CACNB2: variants seen among roughly 807,000 people sequenced by gnomAD.
The protein encoded by CACNB2 is calcium voltage-gated channel auxiliary subunit beta 2.
CACNB2 carries 42 observed loss-of-function variants against 73.3 expected under a neutral mutation model. The observed-to-expected ratio is 0.57, with a 90% CI of 0.45 to 0.74. CACNB2 has a LOEUF of 0.74. CACNB2 is among the 30% of genes least tolerant of loss of function. The pLI, the probability that CACNB2 is intolerant of heterozygous loss-of-function variation, is 0.00. For synonymous variants in CACNB2, 348 were observed against 310.3 expected (o/e 1.12, Z -1.28); for missense variants, 940 against 853.0 (o/e 1.10, Z -1.27).
chr10:18,497,202 A>C (rs1008533295), intron 3 of CACNB2, among the ~76,000 whole-genome samples: 4 of 130,704 alleles, frequency 3.1e-5, no homozygotes, highest in African/African-American at 1.2e-4. Flanking sequence ...ACAAAGTAAG[A>C]CTCTGTAAAA....
chr10:18,492,635 A>AG lies in CACNB2; in HGVS notation c.334-5720_334-5719insG, dbSNP rs1372418097. 3.4e-4 allele frequency among the ~76,000 whole-genome samples: 44 copies of AG among 129,790 alleles called. No homozygotes were observed. In the East Asian group the frequency reaches 4.4e-3, roughly 13 times the overall value. The allele number at this position is 129,790 out of a possible 152,430, so 85.1% of individuals were successfully genotyped here. ...GACTCTGTCTCAAAAAAAAAAAAAA[A>AG]AAAGAAAAAAAGAAAAGAAAAGAAA... On this transcript the variant is annotated intron_variant, in intron 3 of 13. Transcript: ENST00000324631.
rs5783603 is a variant in CACNB2, at chr10:18,460,887, C to CA, written c.334-37451dup. Reference sequence around the variant, plus strand: ...CCTGGGTGAAAAAGCAAGATCTTTCCAAAAAAAAAAAAAAAAATCCACTTT... The same window carrying CA: ...CCTGGGTGAAAAAGCAAGATCTTTCCAAAAAAAAAAAAAAAAAATCCACTTT... On this transcript the variant is annotated intron_variant, in intron 3 of 13. Coordinates refer to ENST00000324631, the MANE Select transcript of CACNB2 (RefSeq NM_201596.3). Among the ~76,000 whole-genome samples, 454 of 140,556 alleles carry CA rather than the reference C, an allele frequency of 3.2e-3. 1 individual carries two copies. The highest frequency in any genetic ancestry group is 0.012 in the South Asian group (53 of 4,412). The allele number at this position is 140,556 out of a possible 152,430, so 92.2% of individuals were successfully genotyped here.
chr10:18,165,754 T>C (rs1394745524), intron 2 of CACNB2, among the ~76,000 whole-genome samples: 1 of 152,216 alleles, frequency 6.6e-6, no homozygotes, highest in African/African-American at 2.4e-5. Context: ...CAGGAAGTAG[T>C]CTATCCCAGT....
At chr10:18,175,875 G>T (rs1441938192) in intron 2 of CACNB2, among the ~76,000 whole-genome samples, 1 of 152,216 alleles carries the variant, frequency 6.6e-6, no homozygotes, top group Non-Finnish European at 1.5e-5. Flanking sequence ...TGGGATTACA[G>T]GCATGAGCCG....
chr10:18,245,916 C>A (rs2036841895), intron 2 of CACNB2, among the ~76,000 whole-genome samples: 1 of 152,108 alleles, frequency 6.6e-6, no homozygotes, highest in Non-Finnish European at 1.5e-5. Context: ...AGTTGGGAAG[C>A]AATCGATGGG....
At chr10:18,251,346 G>C (rs1273658007) in intron 2 of CACNB2, among the ~76,000 whole-genome samples, 1 of 151,912 alleles carries the variant, frequency 6.6e-6, no homozygotes, top group East Asian at 1.9e-4. Flanking sequence ...CTGGGTTCAA[G>C]TGATTCTCCT....
chr10:18,301,909 G>A (rs1360714092), intron 2 of CACNB2, among the ~76,000 whole-genome samples: 1 of 151,892 alleles, frequency 6.6e-6, no homozygotes, highest in Non-Finnish European at 1.5e-5. Flanking sequence ...GGCCCCCCAG[G>A]GTGCTGGGAT....
At chr10:18,153,012 G>A (rs1373392806) in intron 2 of CACNB2, among the ~76,000 whole-genome samples, 2 of 152,170 alleles carry the variant, frequency 1.3e-5, no homozygotes. Context: ...ACATGGCAAG[G>A]AGGGATTACC....
intron 3 of CACNB2, among the ~76,000 whole-genome samples, chr10:18,449,366 C>A (rs1251985293): frequency 6.6e-6 from 1 of 152,146 alleles, no homozygotes; most frequent in Non-Finnish European, 1.5e-5. Context: ...GCCTGGGCGA[C>A]AGAGCGAGAC....
intron 5 of CACNB2, among the ~76,000 whole-genome samples, chr10:18,504,510 T>G (rs145257838): frequency 1.3e-5 from 2 of 152,250 alleles, no homozygotes; most frequent in Non-Finnish European, 2.9e-5. Context: ...TCCAGAGAAC[T>G]AGATTACCTT....
In CACNB2 at chr10:18,442,976, ATATATATATGTATATATATATGTG is replaced by A. The variant is rs2046523939; in HGVS notation, c.333+40943_333+40966del. Among the ~76,000 whole-genome samples, 6 of 22,088 alleles carry A rather than the reference ATATATATATGTATATATATATGTG, an allele frequency of 2.7e-4. 1 individual carries two copies. The African/African-American group carries it at 3.1e-3, about 11-fold the overall frequency. The allele number at this position is 22,088 out of a possible 152,430, so 14.5% of individuals were successfully genotyped here. On this transcript the variant is annotated intron_variant, in intron 3 of 13. Coordinates refer to ENST00000324631, the MANE Select transcript of CACNB2 (RefSeq NM_201596.3). ...TATATATGTATATATATATGTGTAT[ATATATATATGTATATATATATGTG>A]TATATATATATATGTATATATATAT...
intron 2 of CACNB2, among the ~76,000 whole-genome samples, chr10:18,350,771 C>T (rs1425875432): frequency 6.6e-6 from 1 of 152,126 alleles, no homozygotes; most frequent in Non-Finnish European, 1.5e-5. Context: ...TTAAAATTAA[C>T]TTGTGTTTTA....
At chr10:18,528,435 A>C (rs543170701) in intron 10 of CACNB2, among the ~76,000 whole-genome samples, 2 of 152,160 alleles carry the variant, frequency 1.3e-5, no homozygotes, top group East Asian at 3.9e-4. Flanking sequence ...TGCTTACTGG[A>C]TGGTTAGGTT....
chr10:18,478,947 C>A (rs2048579456), intron 3 of CACNB2, among the ~76,000 whole-genome samples: 1 of 152,058 alleles, frequency 6.6e-6, no homozygotes. Context: ...AGGCCAACTA[C>A]TCAGGAGGCT....
At chr10:18,224,876 G>A (rs993335227) in intron 2 of CACNB2, among the ~76,000 whole-genome samples, 1 of 152,168 alleles carries the variant, frequency 6.6e-6, no homozygotes, top group Non-Finnish European at 1.5e-5. Context: ...CCTAAGCTCC[G>A]CCTCCTCCCT....
chr10:18,476,522 CTGAT>C (rs1298111400), intron 3 of CACNB2, among the ~76,000 whole-genome samples: 5 of 152,164 alleles, frequency 3.3e-5, no homozygotes, highest in Non-Finnish European at 2.9e-5. Flanking sequence ...CTCCATCAGT[CTGAT>C]TGGTTGTAGG....
intron 12 of CACNB2, among the ~76,000 whole-genome samples, chr10:18,536,803 ATG>A (rs1358551182): frequency 6.6e-6 from 1 of 152,214 alleles, no homozygotes; most frequent in Non-Finnish European, 1.5e-5. Context: ...GGCTTGTATG[ATG>A]AGTCTATTTG....
chr10:18,443,764 G>T lies in CACNB2; in HGVS notation c.333+41721G>T, dbSNP rs536498346. On this transcript the variant is annotated intron_variant, in intron 3 of 13. Coordinates refer to ENST00000324631, the MANE Select transcript of CACNB2 (RefSeq NM_201596.3). Reference sequence around the variant, plus strand: ...GAGTCTCACTCTGTCACCCAGGCTGGAATGCAGTGGCATGATCTCAGCTCA... The same window carrying T: ...GAGTCTCACTCTGTCACCCAGGCTGTAATGCAGTGGCATGATCTCAGCTCA... 1.2e-4 allele frequency among the ~76,000 whole-genome samples: 18 copies of T among 150,630 alleles called. No homozygotes were observed. The South Asian group carries it at 3.8e-3, about 32-fold the overall frequency.
chr10:18,439,396 T>G (rs2132923189), intron 3 of CACNB2, among the ~76,000 whole-genome samples: 1 of 152,288 alleles, frequency 6.6e-6, no homozygotes, highest in South Asian at 2.1e-4. Flanking sequence ...AAAATTTGAG[T>G]CCTGGTTTTA....
Sources: allele counts gnomAD v4.1 joint callset (sites outside exome capture counted in the v4.1 genomes callset), GRCh38; gene constraint gnomAD v4.1.1; transcripts MANE v1.5; gene names NCBI Gene and HGNC (gene_info 2026-07-23, HGNC 2026-07-21).